The following MYRF variants were observed in gnomAD, a reference collection of about 807,000 sequenced individuals.
MYRF encodes myelin regulatory factor.
In MYRF, 16 loss-of-function variants were observed where a neutral mutation model predicts 126.3. The observed-to-expected ratio is 0.13, with a 90% CI of 0.09 to 0.19. The LOEUF is 0.19. Ranked by LOEUF, MYRF falls within the 10% of genes least tolerant of loss-of-function variation. The pLI is 1.00. For missense variants in MYRF, 1,104 were observed against 1,547.0 expected, an observed-to-expected ratio of 0.71 and a Z score of 4.80; for synonymous variants, 608 against 635.3, an observed-to-expected ratio of 0.96 and a Z score of 0.65.
chr11:61,769,236 G>T (rs781246924), intron 3 of MYRF, 24 bp from the exon 4 acceptor site: 1 of 1,522,622 alleles, frequency 6.6e-7, no homozygotes, highest in Non-Finnish European at 9.0e-7. Flanking sequence ...CTCACCCCCC[G>T]GCCCCTTCCC....
In MYRF at chr11:61,777,689, G is replaced by A. The variant is rs1168684949; in HGVS notation, c.1792-45G>A. Reference sequence around the variant, plus strand: ...CTCCTGGGCTCCGGGGCCTGCTCCGGGACGGCCGCAGGAGGGGTTCATTCC... The same window carrying A: ...CTCCTGGGCTCCGGGGCCTGCTCCGAGACGGCCGCAGGAGGGGTTCATTCC... On this transcript the variant is annotated intron_variant, in intron 12 of 26. Transcript: ENST00000278836. The surrounding 1 kb of genome is among the most constrained non-coding windows in gnomAD (Gnocchi z 8.8). 1.3e-6 allele frequency: 2 copies of A among 1,528,542 alleles called. No individual in the cohort carries two copies. The highest frequency in any genetic ancestry group is 1.8e-6 in the Non-Finnish European group (2 of 1,128,590). 94.7% of individuals were successfully genotyped at this position (1,528,542 alleles called of 1,614,324 possible).
At chr11:61,767,474 T>G (rs1173709946) in intron 3 of MYRF, 2 of 455,734 alleles carry the variant, frequency 4.4e-6, no homozygotes, top group Non-Finnish European at 8.8e-6. Flanking sequence ...AGGGACTCTG[T>G]GGGCAGGGCC....
In MYRF at chr11:61,757,927, G is replaced by A. The variant is rs2065803186; in HGVS notation, c.46+5137G>A. Among the ~76,000 whole-genome samples, 1 of 152,148 alleles carries A rather than the reference G, an allele frequency of 6.6e-6. No individual in the cohort carries two copies. Among genetic ancestry groups the A allele is most frequent in the East Asian group, 1.9e-4 (1 of 5,178 alleles). On this transcript the variant is annotated intron_variant, in intron 1 of 26. Coordinates refer to ENST00000278836, the MANE Select transcript of MYRF (RefSeq NM_001127392.3). The surrounding 1 kb of genome is among the most constrained non-coding windows in gnomAD (Gnocchi z 4.7). ...GCCAGCCTGGGATGGGCAGGGAAGGGGCCTCTCCTCCTGACATGCTGAGGG... is the reference window on the plus strand; with the variant it reads ...GCCAGCCTGGGATGGGCAGGGAAGGAGCCTCTCCTCCTGACATGCTGAGGG...
intron 21 of MYRF, 45 bp from the exon 22 acceptor site, chr11:61,781,527 GC>G: frequency 1.3e-6 from 2 of 1,587,582 alleles, no homozygotes; most frequent in Non-Finnish European, 8.6e-7. Flanking sequence ...TGGACAGGAA[GC>G]AGCCAGCTTC....
Position 61,770,403 on chromosome 11 carries a change from C to T in MYRF, c.618C>T (p.Tyr206=), listed in dbSNP as rs2066185748. The T allele has an allele frequency of 1.4e-6, 2 of 1,456,538 alleles. No homozygotes were observed. The highest frequency in any genetic ancestry group is 2.1e-5 in the Admixed American group (1 of 47,850). 90.2% of individuals were successfully genotyped at this position (1,456,538 alleles called of 1,614,324 possible). ...PHYPVLQRDL[Y]MKAEPPIPHY... Reference sequence around the variant, plus strand: ...ACCCTGTCCTGCAGCGGGATCTGTACATGAAGGCCGAGCCCCCGATCCCCC... The same window carrying T: ...ACCCTGTCCTGCAGCGGGATCTGTATATGAAGGCCGAGCCCCCGATCCCCC... Residue 206 remains tyrosine, a synonymous_variant, in exon 5 of 27, where the codon TAC becomes TAT. Coordinates refer to ENST00000278836, the MANE Select transcript of MYRF (RefSeq NM_001127392.3).
intron 1 of MYRF, among the ~76,000 whole-genome samples, chr11:61,758,860 G>T (rs900890635): frequency 6.6e-6 from 1 of 152,260 alleles, no homozygotes; most frequent in African/African-American, 2.4e-5. Flanking sequence ...CACATAACAG[G>T]TGCTCAGTAA....
chr11:61,755,500 C>A (rs1237046114), intron 1 of MYRF: 1 of 1,586,278 alleles, frequency 6.3e-7, no homozygotes, highest in Non-Finnish European at 8.6e-7. Context: ...AGGCACGGGA[C>A]AGGGCAGTGT....
intron 1 of MYRF, chr11:61,754,037 G>T (rs1243462082): frequency 1.3e-5 from 2 of 152,524 alleles, no homozygotes; most frequent in Non-Finnish European, 2.9e-5. Flanking sequence ...GGTGCATTGA[G>T]AACCTTCCCT....
rs1039009660 is a variant in MYRF, at chr11:61,766,094, C to T, written c.271C>T (p.Pro91Ser). 6.2e-7 allele frequency: 1 copy of T among 1,606,900 alleles called. No homozygotes were observed. The highest frequency in any genetic ancestry group is 8.5e-7 in the Non-Finnish European group (1 of 1,178,858). ...GPSPGRHGPL[P>S]PPGYGTPLNC... ...CTCCCCGGGGCGCCATGGTCCCCTC[C>T]CACCCCCGGGCTACGGCACCCCGCT... The change falls in exon 3 of 27, where the codon CCA (proline) becomes TCA (serine). Residue 91 changes from proline (P) to serine (S), a missense_variant. Coordinates refer to ENST00000278836, the MANE Select transcript of MYRF (RefSeq NM_001127392.3).
At chr11:61,773,745 G>A (rs1041004887) in intron 7 of MYRF, among the ~76,000 whole-genome samples, 2 of 152,184 alleles carry the variant, frequency 1.3e-5, no homozygotes, top group Non-Finnish European at 2.9e-5. Context: ...CCTAAGGCAT[G>A]GGGTATAGGA....
In MYRF at chr11:61,781,309, G is replaced by A. The variant is rs1002086956; in HGVS notation, c.2744G>A (p.Ser915Asn). 1 of 1,613,932 alleles carries A rather than the reference G, an allele frequency of 6.2e-7. No individual in the cohort carries two copies. Among genetic ancestry groups the A allele is most frequent in the Non-Finnish European group, 8.5e-7 (1 of 1,180,018 alleles). ...GGCCATGTTCTCAGCCCAAGTCCCAGCCCCAGCACCAACCGCTCAGGTAAG... is the reference window on the plus strand; with the variant it reads ...GGCCATGTTCTCAGCCCAAGTCCCAACCCCAGCACCAACCGCTCAGGTAAG... ...NPGHVLSPSPSPSTNRSGPSQ... is the reference protein window; with the variant it reads ...NPGHVLSPSPNPSTNRSGPSQ... The change falls in exon 21 of 27, where the codon AGC becomes AAC. Residue 915 changes from serine to asparagine, a missense_variant. Ser to Asn is a conservative substitution (Grantham distance 46, BLOSUM62 1). Coordinates refer to ENST00000278836, the MANE Select transcript of MYRF (RefSeq NM_001127392.3).
chr11:61,763,236 T>C (rs2065951376), intron 1 of MYRF, among the ~76,000 whole-genome samples: 1 of 152,214 alleles, frequency 6.6e-6, no homozygotes, highest in South Asian at 2.1e-4. Flanking sequence ...GTTGGAATCC[T>C]CCTTGCCATG....
Position 61,777,953 on chromosome 11 carries a change from C to T in MYRF, c.1903+108C>T, listed in dbSNP as rs945957935. On this transcript the variant is annotated intron_variant, in intron 13 of 26. Coordinates refer to ENST00000278836, the MANE Select transcript of MYRF (RefSeq NM_001127392.3). This position sits in a 1 kb window ranked among gnomAD's most constrained non-coding sequence, Gnocchi z 8.8. ...ATCCTACTCCTCTTGACTCCCGGAA[C>T]TGCGCCCCTGGGAATCATGCCTTCT... 1 of 863,938 alleles carries T rather than the reference C, an allele frequency of 1.2e-6. No homozygotes were observed. 53.5% of individuals were successfully genotyped at this position (863,938 alleles called of 1,614,324 possible).
At chr11:61,772,845 C>G (rs2066265336) in intron 7 of MYRF, among the ~76,000 whole-genome samples, 1 of 152,182 alleles carries the variant, frequency 6.6e-6, no homozygotes, top group Non-Finnish European at 1.5e-5. Flanking sequence ...TGAGCCCAGG[C>G]CTTTGGCAAC....
chr11:61,780,157 G>C (rs758749691), intron 17 of MYRF, 65 bp from the exon 18 acceptor site: 7 of 1,568,880 alleles, frequency 4.5e-6, no homozygotes, highest in East Asian at 2.3e-5. Context: ...CCACAGCCTT[G>C]TCCTAGAGAG....
intron 25 of MYRF, 54 bp from the exon 26 acceptor site, chr11:61,785,746 C>A: frequency 6.8e-7 from 1 of 1,481,338 alleles, no homozygotes; most frequent in Non-Finnish European, 9.4e-7. Context: ...GTGAGAGATG[C>A]TGGTTGGGAT....
At chr11:61,753,624 C>T (rs756992810) in intron 1 of MYRF, among the ~76,000 whole-genome samples, 95 of 151,828 alleles carry the variant, frequency 6.3e-4, no homozygotes, top group Admixed American at 6.6e-4. Flanking sequence ...CCTCTCTGAC[C>T]TCGCCCCCTC....
intron 7 of MYRF, 69 bp from the exon 8 acceptor site, chr11:61,773,898 G>C (rs2066295935): frequency 2.1e-6 from 3 of 1,395,830 alleles, no homozygotes; most frequent in Non-Finnish European, 2.9e-6. Context: ...GAACCCAGCA[G>C]GTAGGAGGAA....
chr11:61,782,020 G>T, intron 22 of MYRF, 196 bp downstream of exon 22: 1 of 554,742 alleles, frequency 1.8e-6, no homozygotes, highest in Non-Finnish European at 2.9e-6. Flanking sequence ...CAGCACTCCT[G>T]CAAGAAAGGA....
Sources: gnomAD v4.1 joint callset for allele counts (sites outside exome capture counted in the v4.1 genomes callset) on GRCh38, gnomAD v4.1.1 for gene constraint, Gnocchi (gnomAD v3.1) non-coding constraint, MANE v1.5 for transcripts, NCBI Gene and HGNC (gene_info 2026-07-23, HGNC 2026-07-21) for gene names.